TMC6: variants seen among roughly 807,000 people sequenced by gnomAD.
TMC6 encodes transmembrane channel-like protein 6.
Under a neutral mutation model 95.4 loss-of-function variants are expected in TMC6, and 71 were observed. That is an observed-to-expected ratio of 0.74 (90% CI 0.61 to 0.91). TMC6 has a LOEUF of 0.91. Ranked by LOEUF, TMC6 falls within the 40% of genes least tolerant of loss-of-function variation. The pLI is 0.00. For synonymous variants in TMC6, 514 were observed against 483.1 expected, an observed-to-expected ratio of 1.06 and a Z score of -0.84; for missense variants, 1,074 against 1,079.1, an observed-to-expected ratio of 1.00 and a Z score of 0.07.
chr17:78,119,073 C>A, intron 14 of TMC6, 27 bp from the exon 15 acceptor site: 1 of 1,559,790 alleles, frequency 6.4e-7, no homozygotes, highest in Non-Finnish European at 8.7e-7. Flanking sequence ...AGTTCAGGGG[C>A]TGCTCCAGTG....
chr17:78,130,162 A>C (rs2074923509), upstream of TMC6, among the ~76,000 whole-genome samples: 2 of 152,174 alleles, frequency 1.3e-5, no homozygotes, highest in African/African-American at 4.8e-5. Flanking sequence ...GAATGGAGCC[A>C]ATTCCTGAGC....
At chr17:78,118,931 C>T (rs2074267783) in intron 15 of TMC6, 40 bp downstream of exon 15, 1 of 1,563,358 alleles carries the variant, frequency 6.4e-7, no homozygotes, top group Non-Finnish European at 8.7e-7. Context: ...CTGCCGGCCA[C>T]CCTGCCAGCC....
At chr17:78,130,586 C>G (rs187734820), upstream of TMC6, 2 of 152,432 alleles carry the variant, frequency 1.3e-5, no homozygotes, top group East Asian at 3.9e-4. Flanking sequence ...CGCAGCCCAG[C>G]ATGCACAGAG....
At chr17:78,120,271 T>C in intron 13 of TMC6, 1 of 368,580 alleles carries the variant, frequency 2.7e-6, no homozygotes, top group Non-Finnish European at 5.3e-6. Flanking sequence ...GCGATTCTCA[T>C]GCCTCTGCCT....
rs977452143 is a variant in TMC6, at chr17:78,112,587, C to T, written c.*561G>A. ...CTCATTTGCAACTGATATGTCTCCC[C>T]TCCAAGTCCCTCTCTAAATTTGTCT... On this transcript the variant is annotated 3_prime_UTR_variant, in exon 20 of 20. Transcript: ENST00000590602. 6 of 164,926 alleles carry T rather than the reference C, an allele frequency of 3.6e-5. No homozygotes were observed. Among genetic ancestry groups the T allele is most frequent in the Admixed American group, 1.2e-4 (2 of 16,640 alleles). 10.2% of individuals were successfully genotyped at this position (164,926 alleles called of 1,614,324 possible).
In TMC6 at chr17:78,113,033, C is replaced by A; in HGVS notation, c.*115G>T. ...TCCAGCTCCAGCCTAGGCGCAGCTG[C>A]GGCTTTCGAGAGGCGAAACTGTCTT... On this transcript the variant is annotated 3_prime_UTR_variant, in exon 20 of 20. Transcript: ENST00000590602. 1 of 1,274,566 alleles carries A rather than the reference C, an allele frequency of 7.8e-7. No homozygotes were observed. Among genetic ancestry groups the A allele is most frequent in the Non-Finnish European group, 1.1e-6 (1 of 903,816 alleles). 79.0% of individuals were successfully genotyped at this position (1,274,566 alleles called of 1,614,324 possible). A position where few individuals can be genotyped will look rare whatever the true frequency, so the allele number is the denominator to read the frequency against.
chr17:78,115,221 C>T (rs1174289332), intron 18 of TMC6, among the ~76,000 whole-genome samples: 1 of 152,192 alleles, frequency 6.6e-6, no homozygotes, highest in Admixed American at 6.5e-5. Context: ...TGGATCCTGG[C>T]ACCAACTAGC....
upstream of TMC6, among the ~76,000 whole-genome samples, chr17:78,130,100 A>G (rs73375756): frequency 3.0e-3 from 452 of 152,320 alleles, 4 homozygotes; most frequent in African/African-American, 9.9e-3. Flanking sequence ...CAGGGGCCCA[A>G]GGACAGAGAA....
upstream of TMC6, chr17:78,131,514 A>C: frequency 3.3e-6 from 5 of 1,528,924 alleles, no homozygotes; most frequent in Admixed American, 7.9e-5. Flanking sequence ...CAAGGCCTTA[A>C]GGCTCATCCA....
chr17:78,117,147 T>C lies in TMC6; in HGVS notation c.2277+122A>G, dbSNP rs537872439. On this transcript the variant is annotated intron_variant, in intron 18 of 19. Transcript: ENST00000590602. ...CACGTATTGATCAGGGTCACTTGTT[T>C]GGCAAACAAACCCTTTCACCAGCCA... is the stretch of plus-strand genomic sequence containing the variant. 44 of 1,039,898 alleles carry C rather than the reference T, an allele frequency of 4.2e-5. No individual in the cohort carries two copies. The African/African-American group carries it at 6.9e-4, about 16-fold the overall frequency. 64.4% of individuals were successfully genotyped at this position (1,039,898 alleles called of 1,614,324 possible).
chr17:78,113,455 C>T lies in TMC6; in HGVS notation c.2354+93G>A, dbSNP rs184377520. 415 of 1,456,152 alleles carry T rather than the reference C, an allele frequency of 2.8e-4. 1 individual carries two copies. The highest frequency in any genetic ancestry group is 3.8e-4 in the Non-Finnish European group (393 of 1,040,210). The allele number at this position is 1,456,152 out of a possible 1,614,324, so 90.2% of individuals were successfully genotyped here. A position where few individuals can be genotyped will look rare whatever the true frequency, so the allele number is the denominator to read the frequency against. On this transcript the variant is annotated intron_variant, in intron 19 of 19. Coordinates refer to ENST00000590602, the MANE Select transcript of TMC6 (RefSeq NM_001127198.5). Reference sequence around the variant, plus strand: ...AAAAGCGGTCAAGTGTCAGCAATGTCGTGGTGTAGCCCCAGTGGCAGCCCT... The same window carrying T: ...AAAAGCGGTCAAGTGTCAGCAATGTTGTGGTGTAGCCCCAGTGGCAGCCCT...
chr17:78,131,550 G>A, upstream of TMC6: 2 of 1,538,268 alleles, frequency 1.3e-6, no homozygotes, highest in Non-Finnish European at 1.7e-6. Context: ...CCCCCCCACC[G>A]GCAGCCCGGC....
intron 6 of TMC6, 74 bp from the exon 7 acceptor site, chr17:78,125,059 C>T: frequency 2.6e-6 from 4 of 1,540,596 alleles, no homozygotes; most frequent in South Asian, 1.2e-5. Context: ...GACCGGCCAC[C>T]CACGGGCTCA....
intron 18 of TMC6, 68 bp downstream of exon 18, chr17:78,117,201 G>A (rs1441242730): frequency 1.3e-6 from 2 of 1,544,390 alleles, no homozygotes; most frequent in East Asian, 4.5e-5. Context: ...CAGGGGAGTG[G>A]AGGGGAGCGT....
chr17:78,126,976 T>C, intron 1 of TMC6, 70 bp from the exon 2 acceptor site: 1 of 953,206 alleles, frequency 1.0e-6, no homozygotes, highest in Admixed American at 2.0e-5. Context: ...CACCCATTCC[T>C]GGGGGAACCA....
In TMC6 at chr17:78,117,823, A is replaced by C. The variant is rs1466911553; in HGVS notation, c.2000T>G (p.Phe667Cys). 3.1e-6 allele frequency: 5 copies of C among 1,607,714 alleles called. No homozygotes were observed. Among genetic ancestry groups the C allele is most frequent in the Admixed American group, 1.7e-5 (1 of 59,364 alleles). ...CFPAFLGAAV[F>C]LCYAVWQVKP... ...TCACTGCCAGACGGCGTAGCAGAGG[A>C]AGACAGCGGCGCCCAGGAAGGCGGG... The change falls in exon 16 of 20, where the codon TTC becomes TGC. Residue 667 changes from phenylalanine (F) to cysteine (C), a missense_variant. Physicochemically the swap from Phe to Cys is radical, Grantham distance 205. Transcript: ENST00000590602.
At chr17:78,130,229 CAG>C (rs1176634751), upstream of TMC6, among the ~76,000 whole-genome samples, 5 of 152,194 alleles carry the variant, frequency 3.3e-5, no homozygotes, top group Admixed American at 1.3e-4. Context: ...ACGCCAATGA[CAG>C]GGGCTGGAAG....
rs1598812694 is a variant in TMC6, at chr17:78,113,003, A to C, written c.*145T>G. The C allele has an allele frequency of 2.2e-6, 2 of 896,362 alleles. No homozygotes were observed. The highest frequency in any genetic ancestry group is 3.3e-5 in the African/African-American group (2 of 60,514). The allele number at this position is 896,362 out of a possible 1,614,324, so 55.5% of individuals were successfully genotyped here. Reference sequence around the variant, plus strand: ...GGGGATGCCCAAGCCGGATTCACCCACCCTTCCAGCTCCAGCCTAGGCGCA... The same window carrying C: ...GGGGATGCCCAAGCCGGATTCACCCCCCCTTCCAGCTCCAGCCTAGGCGCA... On this transcript the variant is annotated 3_prime_UTR_variant, in exon 20 of 20. Transcript: ENST00000590602.
rs1411933316 is a variant in TMC6, at chr17:78,125,835, C to G, written c.321G>C (p.Gln107His). 1 of 1,553,296 alleles carries G rather than the reference C, an allele frequency of 6.4e-7. No homozygotes were observed. Among genetic ancestry groups the G allele is most frequent in the Admixed American group, 1.9e-5 (1 of 51,416 alleles). ...GGGGCCGGCTGCTCCTGCACCGAAG[C>G]TGCACCGTGCGGTTGTAGTACTGGG... ...IISQYYNRTV[Q>H]LRCRSSRPLL... The change falls in exon 5 of 20, where the codon CAG (glutamine) becomes CAC (histidine). Residue 107 changes from glutamine to histidine, a missense_variant. Gln to His is a conservative substitution (Grantham distance 24). Coordinates refer to ENST00000590602, the MANE Select transcript of TMC6 (RefSeq NM_001127198.5).
Sources: gnomAD v4.1 joint callset for allele counts (sites outside exome capture counted in the v4.1 genomes callset) on GRCh38, gnomAD v4.1.1 for gene constraint, MANE v1.5 for transcripts, NCBI Gene and HGNC (gene_info 2026-07-23, HGNC 2026-07-21) for gene names.